Variants in DSE observed in about 807,000 individuals in gnomAD.
DSE encodes the protein dermatan sulfate epimerase.
A neutral mutation model predicts 84.4 loss-of-function variants in DSE; 36 were observed. That is an observed-to-expected ratio of 0.43 (90% CI 0.33 to 0.56). The LOEUF is 0.56. Ranked by LOEUF, DSE falls within the 20% of genes least tolerant of loss-of-function variation. The probability of loss-of-function intolerance (pLI) is 0.06; values close to 1 mark genes in which losing one functional copy is unlikely to be tolerated. For synonymous variants in DSE, 410 were observed against 430.1 expected (o/e 0.95, Z 0.58); for missense variants, 862 against 1,169.6 (o/e 0.74, Z 3.84).
intron 2 of DSE, among the ~76,000 whole-genome samples, chr6:116,313,938 A>G (rs981452834): frequency 7.9e-5 from 12 of 152,210 alleles, no homozygotes; most frequent in Non-Finnish European, 1.8e-4. Flanking sequence ...TCATAGAGAA[A>G]TGAATTATAT....
intron 3 of DSE, among the ~76,000 whole-genome samples, chr6:116,427,267 C>T (rs746845530): frequency 6.6e-6 from 1 of 152,180 alleles, no homozygotes; most frequent in Non-Finnish European, 1.5e-5. Flanking sequence ...AACAACCAAA[C>T]TGGATTATTT....
chr6:116,293,661 G>A (rs771067809), intron 2 of DSE, among the ~76,000 whole-genome samples: 4 of 151,998 alleles, frequency 2.6e-5, no homozygotes, highest in Non-Finnish European at 4.4e-5. Context: ...TAACACTTTC[G>A]GAGACAAAGG....
chr6:116,423,495 A>T (rs978899739), intron 2 of DSE, among the ~76,000 whole-genome samples: 1 of 152,234 alleles, frequency 6.6e-6, no homozygotes, highest in Non-Finnish European at 1.5e-5. Context: ...TATTCAGAGA[A>T]TAGGTTTTGG....
intron 2 of DSE, among the ~76,000 whole-genome samples, chr6:116,264,356 T>C (rs1305903216): frequency 6.6e-6 from 1 of 152,082 alleles, no homozygotes; most frequent in African/African-American, 2.4e-5. Flanking sequence ...GTGTTTCCTC[T>C]GCTTGGTCTA....
At chr6:116,392,437 G>A in intron 1 of DSE, among the ~76,000 whole-genome samples, 1 of 152,102 alleles carries the variant, frequency 6.6e-6, no homozygotes, top group East Asian at 1.9e-4. Flanking sequence ...CTAGTGTGGG[G>A]GATTATTCCT....
intron 2 of DSE, among the ~76,000 whole-genome samples, chr6:116,296,225 A>G (rs1033711910): frequency 2.6e-5 from 4 of 152,164 alleles, no homozygotes; most frequent in East Asian, 1.9e-4. Context: ...TCTCTACATT[A>G]TTCATCATAT....
intron 2 of DSE, among the ~76,000 whole-genome samples, chr6:116,357,481 G>A (rs1336437498): frequency 4.0e-5 from 6 of 150,794 alleles, no homozygotes; most frequent in Admixed American, 1.3e-4. Context: ...GCAGTGAGCC[G>A]ACACCGCGCC....
At chr6:116,273,273 T>G (rs2114617972) in intron 2 of DSE, among the ~76,000 whole-genome samples, 1 of 152,308 alleles carries the variant, frequency 6.6e-6, no homozygotes, top group African/African-American at 2.4e-5. Context: ...TCCTTTTACC[T>G]GTTCTCAAAG....
At chr6:116,258,856 A>T in exon 2 of DSE, 1 of 1,607,754 alleles carries the variant, frequency 6.2e-7, no homozygotes, top group South Asian at 1.1e-5. Flanking sequence ...CACAGTCATG[A>T]GCTTCTTGCC....
Position 116,437,329 on chromosome 6 carries a change from C to T in DSE, c.2861C>T (p.Ser954Phe). 4 of 1,610,240 alleles carry T rather than the reference C, an allele frequency of 2.5e-6. No homozygotes were observed. Among genetic ancestry groups the T allele is most frequent in the Non-Finnish European group, 3.4e-6 (4 of 1,178,214 alleles). Residue 954 changes from serine to phenylalanine, a missense_variant, in exon 6 of 6, where the codon TCC becomes TTC. Ser to Phe is a radical substitution (Grantham distance 155, BLOSUM62 -2). This residue lies in a region of DSE where 315 missense variants were observed against 348.1 expected (regional missense o/e 0.90). Transcript: ENST00000644252. ...CILLWLYSSCSQSQC is the reference protein window; with the variant it reads ...CILLWLYSSCFQSQC ...TTATTATGGTTGTACTCTTCTTGTT[C>T]CCAATCACAGTGTTAGCACTGAAGC...
At chr6:116,264,769 A>G (rs572632859) in intron 2 of DSE, among the ~76,000 whole-genome samples, 1 of 152,050 alleles carries the variant, frequency 6.6e-6, no homozygotes, top group African/African-American at 2.4e-5. Context: ...ATTATATTTG[A>G]TGAACTTGAG....
chr6:116,308,521 G>A (rs1181913842), intron 2 of DSE, among the ~76,000 whole-genome samples: 1 of 152,086 alleles, frequency 6.6e-6, no homozygotes, highest in Non-Finnish European at 1.5e-5. Flanking sequence ...CATAGTAGGT[G>A]GAATGAGGGC....
chr6:116,409,712 A>G (rs112046797), intron 2 of DSE, among the ~76,000 whole-genome samples: 2 of 152,336 alleles, frequency 1.3e-5, no homozygotes, highest in African/African-American at 4.8e-5. Flanking sequence ...TACTAATACT[A>G]TTAGCATATT....
At chr6:116,317,398 G>A (rs747329972) in intron 2 of DSE, among the ~76,000 whole-genome samples, 24 of 152,278 alleles carry the variant, frequency 1.6e-4, no homozygotes, top group Non-Finnish European at 2.5e-4. Context: ...TAGAGATTCC[G>A]GGAAGTTACT....
At chr6:116,352,581 T>C (rs1778366006) in intron 2 of DSE, among the ~76,000 whole-genome samples, 1 of 152,124 alleles carries the variant, frequency 6.6e-6, no homozygotes, top group Non-Finnish European at 1.5e-5. Context: ...CAGTAGCTCT[T>C]GAACTGGATA....
At chr6:116,421,463 A>ATATATATATT (rs1357496121) in intron 2 of DSE, among the ~76,000 whole-genome samples, 1 of 61,344 alleles carries the variant, frequency 1.6e-5, no homozygotes, top group Non-Finnish European at 2.7e-5. Context: ...ATATATATAT[A>ATATATATATT]TTTTTTTTTT....
chr6:116,326,171 A>G (rs540952147), intron 2 of DSE, among the ~76,000 whole-genome samples: 43 of 152,182 alleles, frequency 2.8e-4, no homozygotes, highest in African/African-American at 1.0e-3. Context: ...TTGGAGGCAG[A>G]AATTGGGCAT....
At chr6:116,292,940 G>A (rs1011344971) in intron 2 of DSE, among the ~76,000 whole-genome samples, 1 of 152,188 alleles carries the variant, frequency 6.6e-6, no homozygotes, top group African/African-American at 2.4e-5. Flanking sequence ...TGTGTACCCA[G>A]TTGCCAACAG....
At chr6:116,286,785 A>G (rs144282445) in intron 2 of DSE, among the ~76,000 whole-genome samples, 3,780 of 152,236 alleles carry the variant, frequency 0.025, 69 homozygotes, top group South Asian at 0.058. Context: ...TGATTCAAAT[A>G]CCATGGTGAT....
Sources: allele counts gnomAD v4.1 joint callset (sites outside exome capture counted in the v4.1 genomes callset), GRCh38; gene constraint gnomAD v4.1.1; regional missense constraint gnomAD v4.1.1; transcripts MANE v1.5; gene names NCBI Gene and HGNC (gene_info 2026-07-23, HGNC 2026-07-21).